The following GLG1 variants were observed in gnomAD, a reference collection of about 807,000 sequenced individuals.
GLG1 encodes golgi glycoprotein 1, also known as Golgi apparatus protein 1.
A neutral mutation model predicts 160.5 loss-of-function variants in GLG1; 38 were observed. The ratio of observed to expected loss-of-function variants is 0.24; its 90% CI spans 0.18 to 0.31. GLG1 has a LOEUF of 0.31. Among genes scored for constraint, GLG1 ranks in the 10% least tolerant of loss-of-function variants. GLG1 has a pLI of 1.00. For synonymous variants in GLG1, 644 were observed against 543.4 expected (o/e 1.19, Z -2.57); for missense variants, 1,373 against 1,505.2 (o/e 0.91, Z 1.45).
chr16:74,479,369 C>A lies in GLG1; in HGVS notation c.1827+872G>T, dbSNP rs569616478. 2.0e-5 allele frequency among the ~76,000 whole-genome samples: 3 copies of A among 151,770 alleles called. No homozygotes were observed. The South Asian group carries it at 6.3e-4, about 32-fold the overall frequency. ...TTAAAAGAGAATAAACCTCCTACCC[C>A]CTAGTCACTATAGTGACCAGAAAGA... On this transcript the variant is annotated intron_variant, in intron 11 of 25. Transcript: ENST00000422840.
chr16:74,482,287 T>A (rs1354820858), intron 10 of GLG1, among the ~76,000 whole-genome samples: 1 of 152,166 alleles, frequency 6.6e-6, no homozygotes, highest in Non-Finnish European at 1.5e-5. Context: ...CCACTGTGCC[T>A]GGCCAAAATA....
chr16:74,550,329 A>G (rs1332546067), intron 1 of GLG1, among the ~76,000 whole-genome samples: 1 of 152,112 alleles, frequency 6.6e-6, no homozygotes, highest in Non-Finnish European at 1.5e-5. Flanking sequence ...TCGAAGTCTC[A>G]ATTGATAGAA....
chr16:74,537,162 C>T (rs1044917854), intron 1 of GLG1, among the ~76,000 whole-genome samples: 2 of 151,996 alleles, frequency 1.3e-5, no homozygotes, highest in African/African-American at 2.4e-5. Flanking sequence ...CTATTATAAA[C>T]AGAAGAATGA....
intron 1 of GLG1, among the ~76,000 whole-genome samples, chr16:74,588,289 T>TA (rs916522238): frequency 3.3e-5 from 5 of 151,890 alleles, no homozygotes; most frequent in East Asian, 1.9e-4. Context: ...CATAAAAATA[T>TA]AAAAAAAATA....
Position 74,491,109 on chromosome 16 carries a change from C to G in GLG1, c.1341G>C (p.Glu447Asp). 6.2e-7 allele frequency: 1 copy of G among 1,614,052 alleles called. No individual in the cohort carries two copies. The highest frequency in any genetic ancestry group is 8.5e-7 in the Non-Finnish European group (1 of 1,179,902). Reference sequence around the variant, plus strand: ...GTAATCCGGAACAATGGTGTTCAATCTCCCCCCGACAGCTTAGGATGATCT... The same window carrying G: ...GTAATCCGGAACAATGGTGTTCAATGTCCCCCCGACAGCTTAGGATGATCT... ...SPEIILSCRG[E>D]IEHHCSGLHR... The change falls in exon 8 of 26, where the codon GAG becomes GAC. Residue 447 changes from glutamate to aspartate, a missense_variant. Glu to Asp is a conservative substitution (Grantham distance 45, BLOSUM62 2). Around this residue, in one of 4 missense-constraint regions of GLG1, gnomAD observed 386 missense variants for 388.5 expected, o/e 0.99. Transcript: ENST00000422840.
chr16:74,476,878 G>T (rs2015404835), intron 12 of GLG1, among the ~76,000 whole-genome samples: 1 of 152,144 alleles, frequency 6.6e-6, no homozygotes, highest in African/African-American at 2.4e-5. Flanking sequence ...TGTTTTTTGG[G>T]ACTGTTCTAG....
chr16:74,546,837 C>CAA (rs71376218), intron 1 of GLG1, among the ~76,000 whole-genome samples: 1 of 59,702 alleles, frequency 1.7e-5, no homozygotes, highest in African/African-American at 7.6e-5. Context: ...GACTCCATCT[C>CAA]AAAAAAAAAA....
chr16:74,530,704 C>T (rs918555023), intron 2 of GLG1, among the ~76,000 whole-genome samples: 3 of 150,870 alleles, frequency 2.0e-5, no homozygotes, highest in Non-Finnish European at 4.4e-5. Flanking sequence ...GTTTTGTGAT[C>T]GTAGGTCACT....
intron 1 of GLG1, among the ~76,000 whole-genome samples, chr16:74,587,200 C>A (rs1251745217): frequency 2.6e-5 from 4 of 152,134 alleles, no homozygotes; most frequent in Admixed American, 2.6e-4. Context: ...TAACTATGAT[C>A]CCTGAGAGAA....
intron 2 of GLG1, among the ~76,000 whole-genome samples, chr16:74,523,728 A>G (rs2017245814): frequency 6.6e-6 from 1 of 151,912 alleles, no homozygotes; most frequent in Non-Finnish European, 1.5e-5. Context: ...ATATTTTTAA[A>G]ATTGGCTTGT....
In GLG1 at chr16:74,506,598, A is replaced by AAAAAAAAAAAC. The variant is rs768101788; in HGVS notation, c.558+2240_558+2241insGTTTTTTTTTT. 1.9e-4 allele frequency among the ~76,000 whole-genome samples: 28 copies of AAAAAAAAAAAC among 144,658 alleles called. 2 individuals are homozygous for AAAAAAAAAAAC. Among genetic ancestry groups the AAAAAAAAAAAC allele is most frequent in the African/African-American group, 3.2e-4 (12 of 37,658 alleles). 94.9% of individuals were successfully genotyped at this position (144,658 alleles called of 152,430 possible). A position where few individuals can be genotyped will look rare whatever the true frequency, so the allele number is the denominator to read the frequency against. ...CTCCGTCTCAAAAAAAAAAAAAAAA[A>AAAAAAAAAAAC]AAAAAACTCAAGAGAAACCAGGAGC... is the stretch of plus-strand genomic sequence containing the variant. On this transcript the variant is annotated intron_variant, in intron 3 of 25. Transcript: ENST00000422840.
intron 4 of GLG1, 131 bp from the exon 5 acceptor site, chr16:74,496,775 G>C: frequency 1.5e-6 from 1 of 646,398 alleles, no homozygotes; most frequent in East Asian, 2.6e-5. Context: ...TCATAGAGTT[G>C]ACTTATTAAC....
chr16:74,585,071 T>A (rs541677205), intron 1 of GLG1, among the ~76,000 whole-genome samples: 25 of 152,084 alleles, frequency 1.6e-4, no homozygotes, highest in East Asian at 3.9e-4. Context: ...ATAAAAAAAA[T>A]TTTTAAAACC....
chr16:74,469,641 A>AT (rs1567462655), intron 16 of GLG1: 1 of 263,312 alleles, frequency 3.8e-6, no homozygotes, highest in Non-Finnish European at 7.3e-6. Context: ...ATGAGATGAC[A>AT]TAACGGGACG....
chr16:74,494,581 A>G (rs2016119361), intron 6 of GLG1, among the ~76,000 whole-genome samples, 179 bp downstream of exon 6: 1 of 151,598 alleles, frequency 6.6e-6, no homozygotes, highest in Admixed American at 6.6e-5. Context: ...TAATTTTTGT[A>G]TTTTTAGTAG....
At chr16:74,512,319 G>T (rs985823585) in intron 2 of GLG1, among the ~76,000 whole-genome samples, 1 of 151,298 alleles carries the variant, frequency 6.6e-6, no homozygotes, top group African/African-American at 2.4e-5. Flanking sequence ...GTACAGTGAT[G>T]CAAGTGTGAT....
At chr16:74,509,442 G>A (rs2067262351) in intron 2 of GLG1, among the ~76,000 whole-genome samples, 1 of 151,884 alleles carries the variant, frequency 6.6e-6, no homozygotes, top group Non-Finnish European at 1.5e-5. Flanking sequence ...GCTCAGATTT[G>A]GTGGATTCAG....
chr16:74,503,377 A>T (rs1344005650), intron 4 of GLG1, among the ~76,000 whole-genome samples, 154 bp downstream of exon 4: 1 of 152,182 alleles, frequency 6.6e-6, no homozygotes, highest in Admixed American at 6.5e-5. Context: ...ATACATTGTC[A>T]ACCAGCCTTA....
chr16:74,495,134 G>C (rs894622737), intron 5 of GLG1, among the ~76,000 whole-genome samples: 5 of 126,102 alleles, frequency 4.0e-5, no homozygotes, highest in Non-Finnish European at 3.2e-5. Flanking sequence ...TTTTGAGATA[G>C]AGTCAGTCTT....
Sources: allele counts gnomAD v4.1 joint callset (sites outside exome capture counted in the v4.1 genomes callset), GRCh38; gene constraint gnomAD v4.1.1; regional missense constraint gnomAD v4.1.1; transcripts MANE v1.5; gene names NCBI Gene and HGNC (gene_info 2026-07-23, HGNC 2026-07-21).